Variants in MKRN2 observed in about 807,000 individuals in gnomAD.
MKRN2 encodes the protein makorin ring finger protein 2, also known as E3 ubiquitin-protein ligase makorin-2.
Under a neutral mutation model 45.4 loss-of-function variants are expected in MKRN2, and 32 were observed. The observed-to-expected ratio is 0.70, with a 90% CI of 0.53 to 0.95. MKRN2 has a LOEUF of 0.95. MKRN2 is among the 40% of genes least tolerant of loss of function. MKRN2 has a pLI of 0.00. For synonymous variants in MKRN2, 206 were observed against 192.4 expected (o/e 1.07, Z -0.59); for missense variants, 526 against 536.7 (o/e 0.98, Z 0.20).
rs1247966178 is a variant in MKRN2, at chr3:12,573,310, AC to A, written c.642+941del. On this transcript the variant is annotated intron_variant, in intron 4 of 7. Transcript: ENST00000170447. ...CAGGCCAAGGCAGGCAGATTGCTTG[AC>A]CCCAGGAGTTTGAGACCAGCCTGGG... 2.0e-5 allele frequency among the ~76,000 whole-genome samples: 3 copies of A among 147,324 alleles called. No homozygotes were observed. In the South Asian group the frequency reaches 6.5e-4, roughly 32 times the overall value.
intron 1 of MKRN2, 67 bp downstream of exon 1, chr3:12,557,243 G>A (rs2057983644): frequency 6.6e-7 from 1 of 1,510,328 alleles, no homozygotes; most frequent in Non-Finnish European, 8.8e-7. Flanking sequence ...GTGCGCGCCA[G>A]TGCTGTGGTC....
chr3:12,563,002 A>G (rs1346191718), intron 1 of MKRN2, among the ~76,000 whole-genome samples: 1 of 152,190 alleles, frequency 6.6e-6, no homozygotes, highest in Non-Finnish European at 1.5e-5. Flanking sequence ...TTCCGTGGAA[A>G]AATTGTCTTC....
chr3:12,571,026 A>G (rs1351703881), intron 3 of MKRN2, among the ~76,000 whole-genome samples: 1 of 152,214 alleles, frequency 6.6e-6, no homozygotes, highest in Non-Finnish European at 1.5e-5. Context: ...AAAGAATAGC[A>G]CACTAGGGTT....
At chr3:12,563,293 ACTGT>A (rs1225545855) in intron 1 of MKRN2, among the ~76,000 whole-genome samples, 2 of 152,170 alleles carry the variant, frequency 1.3e-5, no homozygotes, top group Non-Finnish European at 2.9e-5. Context: ...AAAAAAATAA[ACTGT>A]CAGGTAGGTC....
intron 6 of MKRN2, among the ~76,000 whole-genome samples, chr3:12,580,872 C>G (rs2058173160): frequency 6.6e-6 from 1 of 152,254 alleles, no homozygotes; most frequent in South Asian, 2.1e-4. Context: ...CCTCCTTTCC[C>G]TGTTCTTGTC....
intron 5 of MKRN2, among the ~76,000 whole-genome samples, chr3:12,575,798 C>G (rs1477895453): frequency 3.9e-5 from 6 of 152,134 alleles, no homozygotes; most frequent in Admixed American, 3.3e-4. Context: ...GTGCCTGGCC[C>G]CTTTCACTGA....
At chr3:12,568,249 T>C (rs1165506315) in intron 1 of MKRN2, among the ~76,000 whole-genome samples, 1 of 152,196 alleles carries the variant, frequency 6.6e-6, no homozygotes, top group East Asian at 1.9e-4. Flanking sequence ...GACTGTGCCA[T>C]TGCACTTCAG....
chr3:12,574,191 C>T (rs1326886402), intron 4 of MKRN2, among the ~76,000 whole-genome samples: 1 of 152,194 alleles, frequency 6.6e-6, no homozygotes, highest in Non-Finnish European at 1.5e-5. Context: ...TGTGAGGTCT[C>T]TGCGGTGAGT....
chr3:12,572,265 G>T lies in MKRN2; in HGVS notation c.534G>T (p.Glu178Asp), dbSNP rs773294936. 13 of 1,614,116 alleles carry T rather than the reference G, an allele frequency of 8.1e-6. No individual in the cohort carries two copies. Among genetic ancestry groups the T allele is most frequent in the Non-Finnish European group, 1.1e-5 (13 of 1,179,984 alleles). ...QQLCPYAAAG[E>D]CRFGDACVYL... ...TGTGCCCCTACGCAGCTGCTGGGGAGTGCCGGTTTGGGGATGCCTGTGTCT... is the reference window on the plus strand; with the variant it reads ...TGTGCCCCTACGCAGCTGCTGGGGATTGCCGGTTTGGGGATGCCTGTGTCT... Residue 178 changes from glutamate (E) to aspartate (D), a missense_variant, in exon 4 of 8, where the codon GAG (glutamate) becomes GAT (aspartate). Physicochemically the swap from Glu to Asp is conservative, Grantham distance 45. Coordinates refer to ENST00000170447, the MANE Select transcript of MKRN2 (RefSeq NM_014160.5).
Position 12,582,322 on chromosome 3 carries a change from C to T in MKRN2, c.*69C>T, listed in dbSNP as rs2058188872. 3.8e-6 allele frequency: 6 copies of T among 1,579,798 alleles called. No homozygotes were observed. In the Admixed American group the frequency reaches 5.1e-5, roughly 14 times the overall value. ...CTTTCCCAAGCCAGGGTGTGCGGAG[C>T]TTCCCTGTACTGCAGCCAAGGTGAC... On this transcript the variant is annotated 3_prime_UTR_variant, in exon 8 of 8. Transcript: ENST00000170447.
In MKRN2 at chr3:12,581,004, CTTTTTT is replaced by C. The variant is rs376776267; in HGVS notation, c.969-798_969-793del. Reference sequence around the variant, plus strand: ...GATGGCCCTCTGGATTCTTGGGTATCTTTTTTTTTTTAACTTCAGTTTGGGATCCTT... The same window carrying C: ...GATGGCCCTCTGGATTCTTGGGTATCTTTTTAACTTCAGTTTGGGATCCTT... On this transcript the variant is annotated intron_variant, in intron 6 of 7. Coordinates refer to ENST00000170447, the MANE Select transcript of MKRN2 (RefSeq NM_014160.5). 1.8e-3 allele frequency among the ~76,000 whole-genome samples: 273 copies of C among 147,788 alleles called. 1 individual carries two copies. The highest frequency in any genetic ancestry group is 6.5e-3 in the African/African-American group (265 of 40,594).
chr3:12,568,114 G>C (rs2058079935), intron 1 of MKRN2, among the ~76,000 whole-genome samples: 1 of 152,188 alleles, frequency 6.6e-6, no homozygotes, highest in Non-Finnish European at 1.5e-5. Context: ...TTGTAAAATA[G>C]ATTTTGTGTT....
chr3:12,570,376 G>A lies in MKRN2; in HGVS notation c.337+124G>A, dbSNP rs1257092412. 6.2e-6 allele frequency: 6 copies of A among 973,740 alleles called. 1 individual carries two copies. Among genetic ancestry groups the A allele is most frequent in the Middle Eastern group, 4.4e-4 (2 of 4,566 alleles). The allele number at this position is 973,740 out of a possible 1,614,324, so 60.3% of individuals were successfully genotyped here. On this transcript the variant is annotated intron_variant, in intron 3 of 7. Coordinates refer to ENST00000170447, the MANE Select transcript of MKRN2 (RefSeq NM_014160.5). Reference sequence around the variant, plus strand: ...CCTAATACACCTCCAGATTGTCTGCGCGGAGAGACTTCAGAACTGTTCTGA... The same window carrying A: ...CCTAATACACCTCCAGATTGTCTGCACGGAGAGACTTCAGAACTGTTCTGA...
intron 6 of MKRN2, 190 bp downstream of exon 6, chr3:12,576,931 G>T (rs1575522522): frequency 4.8e-5 from 6 of 124,192 alleles, no homozygotes; most frequent in East Asian, 1.3e-4. Context: ...TTTAGTTTTG[G>T]TGTTTTTTTT....
intron 6 of MKRN2, among the ~76,000 whole-genome samples, chr3:12,579,418 C>G (rs1370096637): frequency 6.6e-6 from 1 of 152,172 alleles, no homozygotes; most frequent in Non-Finnish European, 1.5e-5. Context: ...CTACCCACCT[C>G]AGCTTCCCAA....
At chr3:12,563,229 A>G (rs1012755833) in intron 1 of MKRN2, among the ~76,000 whole-genome samples, 2 of 152,238 alleles carry the variant, frequency 1.3e-5, no homozygotes, top group Non-Finnish European at 2.9e-5. Flanking sequence ...ATACTAGCCA[A>G]ACGCATGAGA....
At chr3:12,577,131 G>A (rs905816731) in intron 6 of MKRN2, 4 of 154,826 alleles carry the variant, frequency 2.6e-5, no homozygotes, top group African/African-American at 9.7e-5. Context: ...TAGAGACAAG[G>A]TTTCGCCATG....
At chr3:12,570,883 CAAA>C (rs889392244) in intron 3 of MKRN2, among the ~76,000 whole-genome samples, 2 of 48,772 alleles carry the variant, frequency 4.1e-5, no homozygotes. Context: ...GACTCCCTCT[CAAA>C]AAAAAAAAAA....
intron 6 of MKRN2, among the ~76,000 whole-genome samples, chr3:12,579,300 G>A (rs1033416080): frequency 6.6e-6 from 1 of 152,128 alleles, no homozygotes; most frequent in Admixed American, 6.6e-5. Context: ...GAGTAGCTGG[G>A]ATTACAGGTG....
Sources: gnomAD v4.1 joint callset for allele counts (sites outside exome capture counted in the v4.1 genomes callset) on GRCh38, gnomAD v4.1.1 for gene constraint, MANE v1.5 for transcripts, NCBI Gene and HGNC (gene_info 2026-07-23, HGNC 2026-07-21) for gene names.